Variants in MALRD1 observed in about 807,000 individuals in gnomAD.
MALRD1 encodes MAM and LDL-receptor class A domain-containing protein 1.
A neutral mutation model predicts 242.1 loss-of-function variants in MALRD1; 247 were observed. That is an observed-to-expected ratio of 1.02 (90% CI 0.92 to 1.13). The LOEUF is 1.13. Ranked by LOEUF, MALRD1 falls within the 50% of genes most tolerant of loss-of-function variation. MALRD1 has a pLI of 0.00. For missense variants in MALRD1, 2,989 were observed against 2,533.1 expected, an observed-to-expected ratio of 1.18 and a Z score of -3.86; for synonymous variants, 995 against 866.6, an observed-to-expected ratio of 1.15 and a Z score of -2.60.
intron 14 of MALRD1, among the ~76,000 whole-genome samples, chr10:19,189,685 T>C (rs1296881688): frequency 6.6e-6 from 1 of 151,942 alleles, no homozygotes; most frequent in Non-Finnish European, 1.5e-5. Flanking sequence ...ATGCACCACA[T>C]TAACAGAACG....
At chr10:19,132,220 A>G (rs547531120) in intron 8 of MALRD1, among the ~76,000 whole-genome samples, 89 of 152,334 alleles carry the variant, frequency 5.8e-4, no homozygotes, top group Middle Eastern at 3.4e-3. Context: ...GGTGAATGCA[A>G]TTTGCCAAGA....
At chr10:19,252,379 T>C (rs1839331493) in intron 18 of MALRD1, among the ~76,000 whole-genome samples, 1 of 152,098 alleles carries the variant, frequency 6.6e-6, no homozygotes, top group African/African-American at 2.4e-5. Context: ...TGAATTTATT[T>C]CTTCCTGTTA....
At chr10:19,165,613 T>G (rs1834655867) in intron 12 of MALRD1, 24 bp from the exon 13 acceptor site, 1 of 1,221,334 alleles carries the variant, frequency 8.2e-7, no homozygotes, top group Non-Finnish European at 1.0e-6. Flanking sequence ...AATATTTATA[T>G]CATTGAAAAC....
At chr10:19,382,207 A>C (rs10827335) in intron 26 of MALRD1, among the ~76,000 whole-genome samples, 82,851 of 151,940 alleles carry the variant, frequency 0.55, 22,841 homozygotes, top group Middle Eastern at 0.58. Flanking sequence ...TCATCCTCAC[A>C]GTATGTTGTT....
intron 5 of MALRD1, among the ~76,000 whole-genome samples, chr10:19,112,155 T>A: frequency 6.6e-6 from 1 of 151,752 alleles, no homozygotes. Flanking sequence ...TCAGGATTTT[T>A]TTTTTTTTTT....
intron 29 of MALRD1, among the ~76,000 whole-genome samples, chr10:19,463,553 A>AGTGT (rs142025703): frequency 0.031 from 4,668 of 150,056 alleles, 236 homozygotes; most frequent in African/African-American, 0.11. Flanking sequence ...GTGGCTGAGT[A>AGTGT]GTGTGTGTGT....
At chr10:19,511,901 C>T (rs1833418319) in intron 31 of MALRD1, among the ~76,000 whole-genome samples, 1 of 151,580 alleles carries the variant, frequency 6.6e-6, no homozygotes, top group South Asian at 2.1e-4. Context: ...AGTTTTGATC[C>T]TTGTTTTGGG....
intron 2 of MALRD1, among the ~76,000 whole-genome samples, chr10:19,067,096 A>T (rs1449735892): frequency 1.3e-5 from 2 of 152,188 alleles, no homozygotes; most frequent in East Asian, 3.8e-4. Context: ...GATTCTCATA[A>T]TTGGGTTCCT....
At chr10:19,088,536 C>CTTTTTTTT (rs748953378) in intron 4 of MALRD1, among the ~76,000 whole-genome samples, 103 of 109,776 alleles carry the variant, frequency 9.4e-4, no homozygotes, top group Middle Eastern at 5.1e-3. Flanking sequence ...CTCTTTCTTT[C>CTTTTTTTT]TTTTTTTTTT....
At chr10:19,118,392 C>G (rs1379369634) in intron 5 of MALRD1, among the ~76,000 whole-genome samples, 3 of 152,040 alleles carry the variant, frequency 2.0e-5, no homozygotes, top group Non-Finnish European at 4.4e-5. Flanking sequence ...TCAATGAATG[C>G]AAGATGTACA....
At chr10:19,351,852 G>T (rs117881084) in intron 25 of MALRD1, among the ~76,000 whole-genome samples, 154 bp from the exon 26 acceptor site, 1 of 152,240 alleles carries the variant, frequency 6.6e-6, no homozygotes, top group Non-Finnish European at 1.5e-5. Flanking sequence ...ACTTCACTCA[G>T]TGTTAAAGTG....
intron 31 of MALRD1, among the ~76,000 whole-genome samples, chr10:19,511,798 C>A (rs149435633): frequency 6.6e-6 from 1 of 152,188 alleles, no homozygotes; most frequent in African/African-American, 2.4e-5. Flanking sequence ...ACTATGAAAT[C>A]TTGATTTTGG....
At chr10:19,472,548 G>C (rs1351494346) in intron 29 of MALRD1, among the ~76,000 whole-genome samples, 1 of 151,902 alleles carries the variant, frequency 6.6e-6, no homozygotes, top group Non-Finnish European at 1.5e-5. Context: ...TTTCTTTGTT[G>C]AGAGTTTTTG....
intron 21 of MALRD1, among the ~76,000 whole-genome samples, chr10:19,306,407 CCG>C (rs1249729942): frequency 5.1e-5 from 5 of 97,616 alleles, no homozygotes; most frequent in South Asian, 3.6e-4. Flanking sequence ...CGTATATGTA[CCG>C]TGTATAGTAT....
intron 26 of MALRD1, among the ~76,000 whole-genome samples, chr10:19,369,260 G>A (rs1004801718): frequency 1.8e-4 from 26 of 144,968 alleles, no homozygotes; most frequent in African/African-American, 6.5e-4. Context: ...ATACACTTAT[G>A]TTGTATACAT....
chr10:19,584,589 A>G (rs1837296207), intron 33 of MALRD1, among the ~76,000 whole-genome samples: 1 of 152,044 alleles, frequency 6.6e-6, no homozygotes, highest in African/African-American at 2.4e-5. Context: ...GGTCTGAGAG[A>G]TAGTTTGTTA....
intron 26 of MALRD1, among the ~76,000 whole-genome samples, chr10:19,375,495 C>T (rs138827948): frequency 0.013 from 1,971 of 152,036 alleles, 46 homozygotes; most frequent in African/African-American, 0.045. Context: ...TGTTGATATA[C>T]CAAAATCACC....
chr10:19,593,209 CA>C lies in MALRD1; in HGVS notation c.5681-1984del, dbSNP rs537558825. ...GCAATTTTATATGCTGCTGTGATCT[CA>C]GGCAGTTAGATTAAAACATGATAGC... On this transcript the variant is annotated intron_variant, in intron 33 of 39. Coordinates refer to ENST00000454679, the MANE Select transcript of MALRD1 (RefSeq NM_001142308.3). 6.0e-4 allele frequency among the ~76,000 whole-genome samples: 92 copies of C among 152,280 alleles called. No individual in the cohort carries two copies. The Middle Eastern group carries it at 0.01, about 17-fold the overall frequency.
At chr10:19,355,858 T>TATATATATATATATATATATATATA (rs57813656) in intron 26 of MALRD1, among the ~76,000 whole-genome samples, 1,176 of 94,554 alleles carry the variant, frequency 0.012, 64 homozygotes, top group South Asian at 0.025. Context: ...TATATATATA[T>TATATATATATATATATATATATATA]TATATATGAT....
Sources: allele counts gnomAD v4.1 joint callset (sites outside exome capture counted in the v4.1 genomes callset), GRCh38; gene constraint gnomAD v4.1.1; transcripts MANE v1.5; gene names NCBI Gene and HGNC (gene_info 2026-07-23, HGNC 2026-07-21).